Variants in IPO7 observed in about 807,000 individuals in gnomAD.
IPO7 encodes importin 7.
Under a neutral mutation model 136.4 loss-of-function variants are expected in IPO7, and 13 were observed. That is an observed-to-expected ratio of 0.10 (90% confidence interval 0.06 to 0.15). IPO7 has a LOEUF of 0.15. IPO7 is among the 10% of genes least tolerant of loss of function. IPO7 has a pLI of 1.00. For synonymous variants in IPO7, 403 were observed against 404.4 expected, an observed-to-expected ratio of 1.00 and a Z score of 0.04; for missense variants, 857 against 1,240.6, an observed-to-expected ratio of 0.69 and a Z score of 4.65.
At chr11:9,409,003 C>T (rs935252428) in intron 3 of IPO7, among the ~76,000 whole-genome samples, 2 of 151,696 alleles carry the variant, frequency 1.3e-5, no homozygotes. Context: ...TGAACCACTG[C>T]ACCCGGCTTT....
intron 23 of IPO7, 125 bp from the exon 24 acceptor site, chr11:9,441,956 G>T: frequency 2.0e-6 from 1 of 508,894 alleles, no homozygotes; most frequent in Non-Finnish European, 3.6e-6. Context: ...AAAATTATTG[G>T]GAGAATATAA....
chr11:9,438,073 T>TGGG lies in IPO7; in HGVS notation c.2490-7_2490-6insGGG. 2.3e-6 allele frequency: 3 copies of TGGG among 1,305,398 alleles called. No homozygotes were observed. The highest frequency in any genetic ancestry group is 3.2e-6 in the Non-Finnish European group (3 of 951,994). 80.9% of individuals were successfully genotyped at this position (1,305,398 alleles called of 1,614,324 possible). A position where few individuals can be genotyped will look rare whatever the true frequency, so the allele number is the denominator to read the frequency against. On this transcript the variant is annotated splice_region_variant and splice_polypyrimidine_tract_variant and intron_variant, in intron 21 of 24. Transcript: ENST00000379719. Reference sequence around the variant, plus strand: ...TTTTTTTTTTTTTTTTTTTTTTTTTTTTTTAGGCTTCATGACAGAAAGATG... The same window carrying TGGG: ...TTTTTTTTTTTTTTTTTTTTTTTTTTGGGTTTTAGGCTTCATGACAGAAAGATG...
chr11:9,417,015 C>G, intron 5 of IPO7, 44 bp from the exon 6 acceptor site: 2 of 913,940 alleles, frequency 2.2e-6, no homozygotes, highest in Non-Finnish European at 3.5e-6. Context: ...GTAGGATTTT[C>G]TTTAGCAAGG....
In IPO7 at chr11:9,384,691, A is replaced by G. The variant is rs957273940; in HGVS notation, c.-73A>G. 5.5e-6 allele frequency: 7 copies of G among 1,263,726 alleles called. No individual in the cohort carries two copies. Among genetic ancestry groups the G allele is most frequent in the African/African-American group, 3.1e-5 (2 of 64,992 alleles). 78.3% of individuals were successfully genotyped at this position (1,263,726 alleles called of 1,614,324 possible). On this transcript the variant is annotated 5_prime_UTR_variant, in exon 1 of 25. The change abolishes an upstream ATG in the 5' untranslated region. Transcript: ENST00000379719. ...TGCCGCTGCGGAGCGCGGCGGGTCCATGTGCGCAGTGAGTGGCGCTATTCC... is the reference window on the plus strand; with the variant it reads ...TGCCGCTGCGGAGCGCGGCGGGTCCGTGTGCGCAGTGAGTGGCGCTATTCC...
intron 1 of IPO7, among the ~76,000 whole-genome samples, chr11:9,397,341 A>AAAAAAAAAATATAT: frequency 0.018 from 197 of 10,762 alleles, 11 homozygotes; most frequent in Admixed American, 0.029. Context: ...TTTAAAAAAA[A>AAAAAAAAAATATAT]ATATATATAT....
chr11:9,418,340 A>T (rs915490207), intron 6 of IPO7, among the ~76,000 whole-genome samples: 5 of 152,146 alleles, frequency 3.3e-5, no homozygotes, highest in Non-Finnish European at 5.9e-5. Context: ...AAGTGCTGGG[A>T]TTACAGGTGT....
chr11:9,419,531 A>C (rs1855093566), intron 6 of IPO7, among the ~76,000 whole-genome samples: 1 of 136,450 alleles, frequency 7.3e-6, no homozygotes, highest in African/African-American at 2.7e-5. Flanking sequence ...CTGGCAACAG[A>C]GTGAGACTCT....
At chr11:9,391,818 T>C (rs1280462435) in intron 1 of IPO7, among the ~76,000 whole-genome samples, 1 of 152,166 alleles carries the variant, frequency 6.6e-6, no homozygotes, top group Non-Finnish European at 1.5e-5. Flanking sequence ...CAGGCTGGAG[T>C]GCAGTAGTAT....
chr11:9,432,336 G>A (rs769620947), intron 16 of IPO7, among the ~76,000 whole-genome samples: 2 of 151,878 alleles, frequency 1.3e-5, no homozygotes, highest in Non-Finnish European at 2.9e-5. Context: ...TGAGTAACTG[G>A]GAGTGCAGGC....
At chr11:9,441,961 A>G in intron 23 of IPO7, 120 bp from the exon 24 acceptor site, 2 of 545,698 alleles carry the variant, frequency 3.7e-6, no homozygotes. Context: ...TATTGGGAGA[A>G]TATAAAATAG....
At chr11:9,398,569 CAT>C (rs1854748113) in intron 1 of IPO7, among the ~76,000 whole-genome samples, 1 of 152,156 alleles carries the variant, frequency 6.6e-6, no homozygotes, top group Non-Finnish European at 1.5e-5. Flanking sequence ...GAAATGAAGT[CAT>C]GTGTTTCTTT....
intron 12 of IPO7, among the ~76,000 whole-genome samples, chr11:9,425,858 G>A (rs1347313919): frequency 1.4e-5 from 2 of 146,420 alleles, no homozygotes; most frequent in East Asian, 4.0e-4. Context: ...CAGCCTGGGC[G>A]ACAGAGTGAG....
intron 2 of IPO7, among the ~76,000 whole-genome samples, chr11:9,404,489 A>T (rs1162909921): frequency 1.3e-5 from 2 of 152,092 alleles, no homozygotes; most frequent in Admixed American, 1.3e-4. Context: ...AAAATAAAAA[A>T]AAATTGTTTT....
intron 22 of IPO7, 121 bp from the exon 23 acceptor site, chr11:9,440,334 C>T: frequency 1.3e-6 from 1 of 780,774 alleles, no homozygotes; most frequent in African/African-American, 1.7e-5. Flanking sequence ...ACACCAATTC[C>T]TGGAGCTCTC....
intron 1 of IPO7, chr11:9,403,085 T>C (rs1854825388): frequency 3.4e-6 from 2 of 583,452 alleles, no homozygotes; most frequent in Non-Finnish European, 6.0e-6. Context: ...TACAGGCTAA[T>C]GAAAACATCC....
At chr11:9,437,241 T>G (rs1472968110) in intron 20 of IPO7, among the ~76,000 whole-genome samples, 1 of 150,846 alleles carries the variant, frequency 6.6e-6, no homozygotes, top group Non-Finnish European at 1.5e-5. Flanking sequence ...ATCGTGAGCT[T>G]TTATTTATTT....
intron 4 of IPO7, among the ~76,000 whole-genome samples, chr11:9,412,801 G>T (rs1332769236): frequency 1.4e-5 from 2 of 147,386 alleles, no homozygotes; most frequent in Admixed American, 1.4e-4. Flanking sequence ...CTGCACTCCA[G>T]CCTGGGTGAC....
At chr11:9,403,184 C>T in intron 1 of IPO7, 106 bp from the exon 2 acceptor site, 1 of 742,578 alleles carries the variant, frequency 1.3e-6, no homozygotes, top group Non-Finnish European at 2.4e-6. Context: ...TTATGAAGAG[C>T]CTTTTGTGCA....
At chr11:9,387,619 G>T (rs879837049) in intron 1 of IPO7, among the ~76,000 whole-genome samples, 1 of 152,230 alleles carries the variant, frequency 6.6e-6, no homozygotes, top group Non-Finnish European at 1.5e-5. Context: ...ATCACTTGAG[G>T]TTGGGAGTTT....
Sources: allele counts gnomAD v4.1 joint callset (sites outside exome capture counted in the v4.1 genomes callset), GRCh38; gene constraint gnomAD v4.1.1; transcripts MANE v1.5; gene names NCBI Gene and HGNC (gene_info 2026-07-23, HGNC 2026-07-21).